The following AGBL1 variants were observed in gnomAD, a reference collection of about 807,000 sequenced individuals.
AGBL1 encodes AGBL carboxypeptidase 1, also known as cytosolic carboxypeptidase 4.
AGBL1 carries 130 observed loss-of-function variants against 118.9 expected under a neutral mutation model. That is an observed-to-expected ratio of 1.09 (90% CI 0.95 to 1.26). The LOEUF is 1.26. AGBL1 is among the 50% of genes most tolerant of loss of function. The pLI is 0.00. For synonymous variants in AGBL1, 555 were observed against 478.9 expected (o/e 1.16, Z -2.08); for missense variants, 1,584 against 1,298.1 (o/e 1.22, Z -3.38).
At chr15:86,295,142 C>A in intron 16 of AGBL1, 113 bp from the exon 17 acceptor site, 1 of 1,289,416 alleles carries the variant, frequency 7.8e-7, no homozygotes, top group Non-Finnish European at 1.1e-6. Context: ...ACATAAAGGA[C>A]AGATTAGATT....
At chr15:86,174,864 T>A (rs548052713) in intron 5 of AGBL1, among the ~76,000 whole-genome samples, 1 of 152,282 alleles carries the variant, frequency 6.6e-6, no homozygotes, top group East Asian at 1.9e-4. Context: ...TCATGGTATA[T>A]TATCTTTTTG....
At chr15:86,112,378 C>T (rs929358209) in intron 1 of AGBL1, among the ~76,000 whole-genome samples, 1 of 152,188 alleles carries the variant, frequency 6.6e-6, no homozygotes, top group Non-Finnish European at 1.5e-5. Context: ...ACATGCTACA[C>T]ATACATTTTT....
chr15:86,550,337 G>GT (rs2083647290), intron 20 of AGBL1, among the ~76,000 whole-genome samples: 1 of 152,114 alleles, frequency 6.6e-6, no homozygotes, highest in South Asian at 2.1e-4. Context: ...GGCAGAGGTT[G>GT]TAAGACCAGA....
chr15:86,885,008 A>G (rs2079950075), intron 22 of AGBL1, among the ~76,000 whole-genome samples: 1 of 152,214 alleles, frequency 6.6e-6, no homozygotes, highest in South Asian at 2.1e-4. Flanking sequence ...ATATGCTACC[A>G]GATGATGCTG....
chr15:86,851,369 G>A (rs935752631), intron 22 of AGBL1, among the ~76,000 whole-genome samples: 2 of 152,016 alleles, frequency 1.3e-5, no homozygotes, highest in Non-Finnish European at 2.9e-5. Context: ...TGTAGGAGGG[G>A]GCTTTAAACA....
chr15:86,963,607 C>G (rs985222355), intron 23 of AGBL1, among the ~76,000 whole-genome samples: 3 of 151,978 alleles, frequency 2.0e-5, no homozygotes, highest in Non-Finnish European at 4.4e-5. Flanking sequence ...GATTAAGGAT[C>G]TGGAAAAAGC....
At chr15:86,767,279 C>G (rs540747336) in intron 22 of AGBL1, among the ~76,000 whole-genome samples, 1 of 152,024 alleles carries the variant, frequency 6.6e-6, no homozygotes, top group South Asian at 2.1e-4. Flanking sequence ...GCATTCTGAT[C>G]ATGTGTTCAT....
intron 21 of AGBL1, among the ~76,000 whole-genome samples, chr15:86,600,440 T>TG (rs2084475877): frequency 6.6e-6 from 1 of 152,156 alleles, no homozygotes; most frequent in Non-Finnish European, 1.5e-5. Context: ...TTAAAGGTCT[T>TG]GCAAAAGGAC....
At chr15:86,887,049 T>A (rs1359485556) in intron 22 of AGBL1, among the ~76,000 whole-genome samples, 1 of 152,192 alleles carries the variant, frequency 6.6e-6, no homozygotes, top group Admixed American at 6.5e-5. Context: ...AAGGTTTTGC[T>A]CATAATATGT....
intron 22 of AGBL1, among the ~76,000 whole-genome samples, chr15:86,869,853 A>C (rs1424214145): frequency 6.6e-6 from 1 of 152,136 alleles, no homozygotes; most frequent in Non-Finnish European, 1.5e-5. Context: ...TAAGTCATTA[A>C]ATTGAATTCT....
At chr15:86,540,614 T>C (rs1006562380) in intron 19 of AGBL1, among the ~76,000 whole-genome samples, 7 of 152,098 alleles carry the variant, frequency 4.6e-5, no homozygotes, top group Non-Finnish European at 8.8e-5. Flanking sequence ...TTGATTAACC[T>C]GTAAATATTG....
intron 17 of AGBL1, among the ~76,000 whole-genome samples, chr15:86,315,168 A>G (rs779175686): frequency 1.3e-5 from 2 of 152,206 alleles, no homozygotes; most frequent in Non-Finnish European, 2.9e-5. Flanking sequence ...TTTAATACCC[A>G]GGGTAACCCG....
chr15:86,839,496 G>T (rs1370838852), intron 22 of AGBL1, among the ~76,000 whole-genome samples: 1 of 152,060 alleles, frequency 6.6e-6, no homozygotes, highest in Non-Finnish European at 1.5e-5. Context: ...GTCTCTATTT[G>T]CTGTCCATAT....
chr15:86,163,106 C>G (rs1355882051), intron 5 of AGBL1, among the ~76,000 whole-genome samples: 8 of 152,224 alleles, frequency 5.3e-5, no homozygotes, highest in Non-Finnish European at 1.2e-4. Context: ...TTCCATTCCT[C>G]CTAGCCCAGC....
intron 19 of AGBL1, among the ~76,000 whole-genome samples, chr15:86,527,394 A>G (rs1272377141): frequency 2.0e-5 from 3 of 152,248 alleles, no homozygotes; most frequent in African/African-American, 7.2e-5. Flanking sequence ...TATAAACATG[A>G]CAGCCACAGA....
intron 22 of AGBL1, among the ~76,000 whole-genome samples, chr15:86,712,919 C>A (rs897143905): frequency 6.6e-6 from 1 of 152,156 alleles, no homozygotes; most frequent in African/African-American, 2.4e-5. Context: ...TTCCATGGTT[C>A]CCTCCTCTCC....
chr15:86,849,281 C>T lies in AGBL1; in HGVS notation c.3159-57806C>T, dbSNP rs535463311. Among the ~76,000 whole-genome samples the T allele has an allele frequency of 3.3e-4, 51 of 152,310 alleles. 1 individual carries two copies. In the South Asian group the frequency reaches 0.011, roughly 32 times the overall value. On this transcript the variant is annotated intron_variant, in intron 22 of 22. Transcript: ENST00000614907. ...TTGCCTCAGCAAATTGCAAGTCCCTCGGAAGAGTCCCTAAGAAGCAGTTCC... is the reference window on the plus strand; with the variant it reads ...TTGCCTCAGCAAATTGCAAGTCCCTTGGAAGAGTCCCTAAGAAGCAGTTCC...
At chr15:86,468,413 C>T (rs1186147533) in intron 18 of AGBL1, among the ~76,000 whole-genome samples, 3 of 152,156 alleles carry the variant, frequency 2.0e-5, no homozygotes, top group African/African-American at 7.2e-5. Context: ...GTGTAGTTTC[C>T]CAGACCGCAC....
Position 86,158,963 on chromosome 15 carries a change from G to C in AGBL1, c.425G>C (p.Gly142Ala). The C allele has an allele frequency of 6.2e-7, 1 of 1,613,322 alleles. No individual in the cohort carries two copies. The highest frequency in any genetic ancestry group is 8.5e-7 in the Non-Finnish European group (1 of 1,179,430). ...VSMGAMLGIN[G>A]AMELLFKVIT... ...ATGGGAGCCATGCTGGGAATTAATG[G>C]AGCCATGGAACTGCTTTTCAAGGTT... The change falls in exon 5 of 23, where the codon GGA (glycine) becomes GCA (alanine). Residue 142 changes from glycine (G) to alanine (A), a missense_variant. Coordinates refer to ENST00000614907, the MANE Select transcript of AGBL1 (RefSeq NM_001386094.1).
Sources: gnomAD v4.1 joint callset for allele counts (sites outside exome capture counted in the v4.1 genomes callset) on GRCh38, gnomAD v4.1.1 for gene constraint, MANE v1.5 for transcripts, NCBI Gene and HGNC (gene_info 2026-07-23, HGNC 2026-07-21) for gene names.